The following SHCBP1L variants were observed in gnomAD, a reference collection of about 807,000 sequenced individuals.
SHCBP1L encodes SHC binding and spindle associated 1 like, also known as testicular spindle-associated protein SHCBP1L.
In SHCBP1L, 67 loss-of-function variants were observed where a neutral mutation model predicts 62.5. The ratio of observed to expected loss-of-function variants is 1.07; its 90% confidence interval spans 0.88 to 1.31. The LOEUF is 1.31. SHCBP1L is among the 40% of genes most tolerant of loss of function. The pLI is 0.00. For synonymous variants in SHCBP1L, 284 were observed against 289.4 expected, an observed-to-expected ratio of 0.98 and a Z score of 0.19; for missense variants, 823 against 809.8, an observed-to-expected ratio of 1.02 and a Z score of -0.20.
chr1:182,912,141 C>T (rs975149414), intron 6 of SHCBP1L, among the ~76,000 whole-genome samples: 2 of 152,190 alleles, frequency 1.3e-5, no homozygotes, highest in African/African-American at 4.8e-5. Context: ...TCATAAGACC[C>T]TCATTCCAAA....
At chr1:182,939,066 T>C in intron 5 of SHCBP1L, 110 bp downstream of exon 5, 1 of 800,642 alleles carries the variant, frequency 1.2e-6, no homozygotes, top group South Asian at 1.9e-5. Context: ...AAATTAGACA[T>C]CTAATTTTAT....
intron 6 of SHCBP1L, among the ~76,000 whole-genome samples, chr1:182,912,591 C>T (rs1161770639): frequency 6.6e-6 from 1 of 151,816 alleles, no homozygotes; most frequent in African/African-American, 2.4e-5. Flanking sequence ...GGCGCAATCT[C>T]GGTTCATTGC....
chr1:182,951,469 TAAC>T lies in SHCBP1L; in HGVS notation c.406-5_406-3del. 1 of 1,550,892 alleles carries T rather than the reference TAAC, an allele frequency of 6.4e-7. No homozygotes were observed. The highest frequency in any genetic ancestry group is 8.7e-7 in the Non-Finnish European group (1 of 1,152,578). On this transcript the variant is annotated splice_region_variant and splice_polypyrimidine_tract_variant and intron_variant, in intron 1 of 9. Transcript: ENST00000367547. ...CATAACTTCATCAGCATCTTCTGCC[TAAC>T]AAGAGAAAAAATGGATCTACATATA...
chr1:182,952,191 AATAT>A (rs869051143), intron 1 of SHCBP1L, among the ~76,000 whole-genome samples: 617 of 24,200 alleles, frequency 0.025, 16 homozygotes, highest in Non-Finnish European at 0.035. Flanking sequence ...AAAAAAAAAA[AATAT>A]ATATATATAT....
intron 7 of SHCBP1L, among the ~76,000 whole-genome samples, chr1:182,905,243 A>G (rs1321640699): frequency 6.6e-6 from 1 of 152,244 alleles, no homozygotes; most frequent in African/African-American, 2.4e-5. Context: ...ATAGCTTTAC[A>G]TCTGGGTTTT....
intron 1 of SHCBP1L, among the ~76,000 whole-genome samples, chr1:182,952,155 CCAAAAAA>C (rs1558007453): frequency 2.1e-4 from 4 of 19,076 alleles, no homozygotes; most frequent in African/African-American, 6.6e-4. Context: ...AACTCCGTCT[CCAAAAAA>C]AAAAAAAAAA....
chr1:182,946,728 C>T (rs1183481466), intron 2 of SHCBP1L, among the ~76,000 whole-genome samples: 1 of 152,182 alleles, frequency 6.6e-6, no homozygotes, highest in African/African-American at 2.4e-5. Context: ...GACATGAATG[C>T]TAGGTCTTTT....
chr1:182,905,366 G>A, intron 7 of SHCBP1L, 130 bp downstream of exon 7: 1 of 944,708 alleles, frequency 1.1e-6, no homozygotes, highest in East Asian at 2.8e-5. Context: ...ATTATAAAAT[G>A]AACATAAAGG....
At position 182,904,186 on chromosome 1, in the gene SHCBP1L, G is replaced by C. The variant is rs756834948; in HGVS notation, c.1581C>G (p.Gly527=). The C allele has an allele frequency of 6.2e-7, 1 of 1,613,678 alleles. No individual in the cohort carries two copies. Among genetic ancestry groups the C allele is most frequent in the South Asian group, 1.1e-5 (1 of 91,016 alleles). The change falls in exon 8 of 10, where the codon GGC becomes GGG. Residue 527 remains glycine, a synonymous_variant. Coordinates refer to ENST00000367547, the MANE Select transcript of SHCBP1L (RefSeq NM_030933.4). ...ALTITDSEIT[G]AQGAGVELYP... ...TTTTTAAAGAATGAAATACCTGGGC[G>C]CCAGTTATTTCACTGTCTGTAATTG... is the stretch of plus-strand genomic sequence containing the variant.
intron 6 of SHCBP1L, among the ~76,000 whole-genome samples, chr1:182,909,192 G>T (rs898575500): frequency 2.0e-5 from 3 of 152,096 alleles, no homozygotes; most frequent in Admixed American, 6.6e-5. Context: ...AGAGGAAGAC[G>T]ATGAGTTTAA....
chr1:182,940,622 C>A, intron 2 of SHCBP1L, 79 bp from the exon 3 acceptor site: 2 of 1,179,700 alleles, frequency 1.7e-6, no homozygotes, highest in Non-Finnish European at 2.3e-6. Context: ...CATATATGAG[C>A]TCATTATAAA....
chr1:182,916,052 C>A (rs1571341609), intron 6 of SHCBP1L, among the ~76,000 whole-genome samples: 1 of 152,168 alleles, frequency 6.6e-6, no homozygotes, highest in African/African-American at 2.4e-5. Context: ...GTGATCCGCC[C>A]CTCTCGGCCT....
intron 6 of SHCBP1L, among the ~76,000 whole-genome samples, chr1:182,916,867 C>T (rs1650372186): frequency 1.3e-5 from 2 of 152,028 alleles, no homozygotes; most frequent in African/African-American, 4.8e-5. Flanking sequence ...AAGAGGAAAA[C>T]AACAGACACT....
intron 2 of SHCBP1L, chr1:182,942,335 C>G (rs961339089): frequency 3.0e-5 from 24 of 802,380 alleles, no homozygotes; most frequent in Non-Finnish European, 4.8e-5. Flanking sequence ...AGCTGACAAC[C>G]GCCCCGATCT....
At chr1:182,941,833 G>C (rs894154057) in intron 2 of SHCBP1L, among the ~76,000 whole-genome samples, 1 of 152,140 alleles carries the variant, frequency 6.6e-6, no homozygotes, top group African/African-American at 2.4e-5. Context: ...GGAATGTTAA[G>C]CTGATACCTG....
intron 2 of SHCBP1L, among the ~76,000 whole-genome samples, chr1:182,949,055 A>G (rs937120050): frequency 1.2e-4 from 18 of 152,206 alleles, no homozygotes; most frequent in African/African-American, 3.6e-4. Context: ...TAATCAATGT[A>G]TTGCAGGTAA....
chr1:182,914,964 T>C (rs1650306592), intron 6 of SHCBP1L, among the ~76,000 whole-genome samples: 2 of 151,714 alleles, frequency 1.3e-5, no homozygotes, highest in Non-Finnish European at 2.9e-5. Flanking sequence ...GGTCAGGAAT[T>C]TGAGACCAGC....
chr1:182,942,092 G>A (rs1350916428), intron 2 of SHCBP1L: 6 of 889,154 alleles, frequency 6.7e-6, no homozygotes, highest in African/African-American at 1.7e-5. Flanking sequence ...GATAAGACAT[G>A]GTATATGGTA....
intron 6 of SHCBP1L, among the ~76,000 whole-genome samples, chr1:182,916,732 T>A (rs942721909): frequency 5.9e-5 from 9 of 152,080 alleles, no homozygotes; most frequent in Admixed American, 2.6e-4. Context: ...GTAAAGAGAT[T>A]AAAAAATCAG....
Sources: allele counts gnomAD v4.1 joint callset (sites outside exome capture counted in the v4.1 genomes callset), GRCh38; gene constraint gnomAD v4.1.1; transcripts MANE v1.5; gene names NCBI Gene and HGNC (gene_info 2026-07-23, HGNC 2026-07-21).